Variants in EPHA2 observed in about 807,000 individuals in gnomAD.
EPHA2 encodes ephrin type-A receptor 2.
A neutral mutation model predicts 104.9 loss-of-function variants in EPHA2; 54 were observed. That is an observed-to-expected ratio of 0.51 (90% confidence interval 0.41 to 0.65). The LOEUF is 0.65. EPHA2 is among the 30% of genes least tolerant of loss of function. EPHA2 has a pLI of 0.00. For synonymous variants in EPHA2, 560 were observed against 559.1 expected (o/e 1.00, Z -0.02); for missense variants, 1,117 against 1,369.5 (o/e 0.82, Z 2.91).
chr1:16,154,094 C>T (rs1014443422), intron 1 of EPHA2, among the ~76,000 whole-genome samples: 3 of 152,118 alleles, frequency 2.0e-5, no homozygotes, highest in African/African-American at 7.2e-5. Flanking sequence ...CAGCTCCAGG[C>T]TTCCAGGCCA....
At chr1:16,129,332 G>C in intron 16 of EPHA2, 102 bp downstream of exon 16, 1 of 1,370,224 alleles carries the variant, frequency 7.3e-7, no homozygotes, top group South Asian at 1.2e-5. Context: ...AGAACAAAGA[G>C]AGGAGCATTG....
At chr1:16,153,173 C>T in intron 1 of EPHA2, 1 of 985,374 alleles carries the variant, frequency 1.0e-6, no homozygotes, top group Non-Finnish European at 1.2e-6. Context: ...GCCATGAGTT[C>T]CACCGTAAGT....
intron 3 of EPHA2, among the ~76,000 whole-genome samples, chr1:16,144,038 C>T (rs1569592474): frequency 6.6e-6 from 1 of 152,306 alleles, no homozygotes; most frequent in African/African-American, 2.4e-5. Flanking sequence ...CTCCCCACCT[C>T]AGCCCCCGCC....
rs2024503025 is a variant in EPHA2, at chr1:16,128,129, C to A, written c.2825+1305G>T. Among the ~76,000 whole-genome samples, 1 of 152,300 alleles carries A rather than the reference C, an allele frequency of 6.6e-6. No homozygotes were observed. Among genetic ancestry groups the A allele is most frequent in the Non-Finnish European group, 1.5e-5 (1 of 68,020 alleles). ...AGAGGAGAGCAATGAGGATTTAGCA[C>A]CCACTGTATACCAGTCGTGTCATCT... On this transcript the variant is annotated intron_variant, in intron 16 of 16. Transcript: ENST00000358432. This position sits in a 1 kb window ranked among gnomAD's most constrained non-coding sequence, Gnocchi z 4.7.
Position 16,148,279 on chromosome 1 carries a change from A to G in EPHA2, c.823+99T>C. 2.0e-6 allele frequency: 3 copies of G among 1,476,018 alleles called. No homozygotes were observed. The South Asian group carries it at 3.4e-5, about 17-fold the overall frequency. The allele number at this position is 1,476,018 out of a possible 1,614,324, so 91.4% of individuals were successfully genotyped here. On this transcript the variant is annotated intron_variant, in intron 3 of 16. Transcript: ENST00000358432. The surrounding 1 kb of genome is among the most constrained non-coding windows in gnomAD (Gnocchi z 4.9). ...CACTAACAGAACTAATGTGTGTCAAAGCAGGGATGAGCTTACCAAGATTCC... is the reference window on the plus strand; with the variant it reads ...CACTAACAGAACTAATGTGTGTCAAGGCAGGGATGAGCTTACCAAGATTCC...
rs576809102 is a variant in EPHA2 at position 16,149,719 on chromosome 1, C to A, written c.154-672G>T. On this transcript the variant is annotated intron_variant, in intron 2 of 16. Coordinates refer to ENST00000358432, the MANE Select transcript of EPHA2 (RefSeq NM_004431.5). ...TCCCAAAGTTGCCATGTTCCCTTTACCCTGTACCCCTTGCCATTTACCAAA... is the reference window on the plus strand; with the variant it reads ...TCCCAAAGTTGCCATGTTCCCTTTAACCTGTACCCCTTGCCATTTACCAAA... 4.6e-5 allele frequency among the ~76,000 whole-genome samples: 7 copies of A among 152,310 alleles called. No homozygotes were observed. The East Asian group carries it at 1.4e-3, about 29-fold the overall frequency.
chr1:16,134,317 C>G lies in EPHA2; in HGVS notation c.1682+151G>C. 1.1e-6 allele frequency: 1 copy of G among 912,032 alleles called. No individual in the cohort carries two copies. Among genetic ancestry groups the G allele is most frequent in the South Asian group, 1.4e-5 (1 of 69,106 alleles). 56.5% of individuals were successfully genotyped at this position (912,032 alleles called of 1,614,324 possible). On this transcript the variant is annotated intron_variant, in intron 8 of 16. Coordinates refer to ENST00000358432, the MANE Select transcript of EPHA2 (RefSeq NM_004431.5). This position sits in a 1 kb window ranked among gnomAD's most constrained non-coding sequence, Gnocchi z 4.5. ...CGCGTGCCAGGCACTTCGCTACACACTCTAACTCGTATATCCTCGCACCAT... is the reference window on the plus strand; with the variant it reads ...CGCGTGCCAGGCACTTCGCTACACAGTCTAACTCGTATATCCTCGCACCAT...
rs745610834 is a variant in EPHA2 at position 16,138,014 on chromosome 1, C to T, written c.1151G>A (p.Arg384His). 75 of 1,613,686 alleles carry T rather than the reference C, an allele frequency of 4.6e-5. No individual in the cohort carries two copies. Among genetic ancestry groups the T allele is most frequent in the Non-Finnish European group, 5.7e-5 (67 of 1,179,994 alleles). Residue 384 changes from arginine to histidine, a missense_variant, in exon 5 of 17, where the codon CGC becomes CAC. By Grantham distance (29) the Arg-to-His change is conservative. Transcript: ENST00000358432. ...GECGPCEASV[R>H]YSEPPHGLTR... ...CAGTCCGTGAGGAGGCTCCGAGTAG[C>T]GCACACTGGCCTCACACGGCCCGCA...
chr1:16,144,195 T>G (rs2024885350), intron 3 of EPHA2, among the ~76,000 whole-genome samples: 1 of 152,124 alleles, frequency 6.6e-6, no homozygotes, highest in Non-Finnish European at 1.5e-5. Flanking sequence ...TGCCAGCGCC[T>G]AGCTTTGCCC....
Position 16,134,543 on chromosome 1 carries a change from GC to G in EPHA2, c.1606del (p.Ala536ArgfsTer2). 1 of 1,614,038 alleles carries G rather than the reference GC, an allele frequency of 6.2e-7. No individual in the cohort carries two copies. The highest frequency in any genetic ancestry group is 8.5e-7 in the Non-Finnish European group (1 of 1,180,016). ...TLSPEGSGNL[A>X]VIGGVAVGVV... is the part of the protein sequence containing the mutation. ...ACCGACAGCCACGCCGCCAATCACCGCCAAGTTGCCAGATCCCTCCGGGGCT... is the reference window on the plus strand; with the variant it reads ...ACCGACAGCCACGCCGCCAATCACCGCAAGTTGCCAGATCCCTCCGGGGCT... On this transcript the variant is annotated frameshift_variant, in exon 8 of 17. Transcript: ENST00000358432. LOFTEE classifies it high-confidence loss of function. The surrounding 1 kb of genome is among the most constrained non-coding windows in gnomAD (Gnocchi z 4.5).
Position 16,132,219 on chromosome 1 carries a change from C to T in EPHA2, c.2170G>A (p.Ala724Thr), listed in dbSNP as rs747058254. ...LQLVGMLRGIAAGMKYLANMN... is the reference protein window; with the variant it reads ...LQLVGMLRGITAGMKYLANMN... ...TTGGCCAGGTACTTCATGCCAGCTGCGATGCCCCGCAGCATGCCCACCAGC... is the reference window on the plus strand; with the variant it reads ...TTGGCCAGGTACTTCATGCCAGCTGTGATGCCCCGCAGCATGCCCACCAGC... The change falls in exon 13 of 17, where the codon GCA (alanine) becomes ACA (threonine). Residue 724 changes from alanine (A) to threonine (T), a missense_variant. Physicochemically the swap from Ala to Thr is moderately conservative, Grantham distance 58. Transcript: ENST00000358432. 4 of 1,614,194 alleles carry T rather than the reference C, an allele frequency of 2.5e-6. No homozygotes were observed. Among genetic ancestry groups the T allele is most frequent in the East Asian group, 2.2e-5 (1 of 44,894 alleles).
At chr1:16,146,117 T>A (rs1329841965) in intron 3 of EPHA2, among the ~76,000 whole-genome samples, 1 of 152,178 alleles carries the variant, frequency 6.6e-6, no homozygotes. Context: ...CGGGCGTTCC[T>A]GGCATCTCGC....
chr1:16,142,546 G>C (rs2024842418), intron 3 of EPHA2, among the ~76,000 whole-genome samples: 2 of 152,144 alleles, frequency 1.3e-5, no homozygotes, highest in Admixed American at 6.5e-5. Flanking sequence ...TGAGTGTGTG[G>C]ATGGATGGGT....
At chr1:16,136,480 A>T (rs1388968096) in intron 5 of EPHA2, among the ~76,000 whole-genome samples, 1 of 150,928 alleles carries the variant, frequency 6.6e-6, no homozygotes, top group East Asian at 2.0e-4. Flanking sequence ...TTAGCTGGGC[A>T]TGGTGGCGCA....
intron 16 of EPHA2, among the ~76,000 whole-genome samples, chr1:16,129,061 TCTGCATCTGTTTCTCAC>T (rs1436635580): frequency 6.6e-6 from 1 of 151,766 alleles, no homozygotes; most frequent in African/African-American, 2.4e-5. Flanking sequence ...ACTGCACTTC[TCTGCATCTGTTTCTCAC>T]CTGCACCTGT....
chr1:16,127,758 G>C (rs1247174664), intron 16 of EPHA2, among the ~76,000 whole-genome samples: 2 of 152,178 alleles, frequency 1.3e-5, no homozygotes, highest in African/African-American at 4.8e-5. Context: ...GGTGGGTGGT[G>C]GGGGGCGCCG....
rs769622494 is a variant in EPHA2 at position 16,138,332 on chromosome 1, C to T, written c.922G>A (p.Glu308Lys). The part of the protein sequence containing the change: ...LPSPEGATSC[E>K]CEEGFFRAPQ... ...GCCCGGAAGAAGCCTTCCTCACACT[C>T]GCAGGAGGTGGCACCCTCAGGGGAT... is the stretch of plus-strand genomic sequence containing the variant. The change falls in exon 4 of 17, where the codon GAG becomes AAG. Residue 308 changes from glutamate to lysine, a missense_variant. Physicochemically the swap from Glu to Lys is moderately conservative, Grantham distance 56. This residue lies in a region of EPHA2 where 664 missense variants were observed against 784.8 expected (regional missense o/e 0.85). Transcript: ENST00000358432. 1.2e-5 allele frequency: 20 copies of T among 1,613,672 alleles called. No homozygotes were observed. Among genetic ancestry groups the T allele is most frequent in the South Asian group, 5.5e-5 (5 of 91,052 alleles).
chr1:16,137,797 C>CT, intron 5 of EPHA2, 56 bp downstream of exon 5: 2 of 1,606,858 alleles, frequency 1.2e-6, no homozygotes, highest in Non-Finnish European at 1.7e-6. Flanking sequence ...GGCCGTCCTC[C>CT]TTAAGCCCCA....
In EPHA2 at chr1:16,151,081, C is replaced by T. The variant is rs557394995; in HGVS notation, c.86-118G>A. On this transcript the variant is annotated intron_variant, in intron 1 of 16. Transcript: ENST00000358432. ...CTCTCAGACAGAGCGAGAGGGACCC[C>T]ACCACACAGGGTCACCATATCCAAG... 6.5e-6 allele frequency: 6 copies of T among 917,642 alleles called. No individual in the cohort carries two copies. The South Asian group carries it at 6.9e-5, about 11-fold the overall frequency. The allele number at this position is 917,642 out of a possible 1,614,324, so 56.8% of individuals were successfully genotyped here.
Sources: allele counts gnomAD v4.1 joint callset (sites outside exome capture counted in the v4.1 genomes callset), GRCh38; gene constraint gnomAD v4.1.1; regional missense constraint gnomAD v4.1.1; non-coding constraint Gnocchi (gnomAD v3.1); transcripts MANE v1.5; gene names NCBI Gene and HGNC (gene_info 2026-07-23, HGNC 2026-07-21).